The following PDE1C variants were observed in gnomAD, a reference collection of about 807,000 sequenced individuals.
PDE1C encodes the protein dual specificity calcium/calmodulin-dependent 3',5'-cyclic nucleotide phosphodiesterase 1C.
In PDE1C, 62 loss-of-function variants were observed where a neutral mutation model predicts 93.1. That is an observed-to-expected ratio of 0.67 (90% CI 0.54 to 0.82). PDE1C has a LOEUF of 0.82. PDE1C is among the 40% of genes least tolerant of loss of function. The pLI is 0.00. For synonymous variants in PDE1C, 325 were observed against 310.1 expected (o/e 1.05, Z -0.50); for missense variants, 742 against 884.6 (o/e 0.84, Z 2.04).
intron 1 of PDE1C, among the ~76,000 whole-genome samples, chr7:32,330,418 C>T (rs1783491050): frequency 6.6e-6 from 1 of 152,190 alleles, no homozygotes; most frequent in South Asian, 2.1e-4. Context: ...CTGGTGAGCT[C>T]GCAGTGCTAA....
intron 7 of PDE1C, among the ~76,000 whole-genome samples, chr7:31,857,727 A>G (rs903574775): frequency 6.6e-6 from 1 of 152,160 alleles, no homozygotes; most frequent in Non-Finnish European, 1.5e-5. Flanking sequence ...AAACTTCACT[A>G]GACATTTTGA....
chr7:31,763,796 C>A (rs1472156439), intron 17 of PDE1C, among the ~76,000 whole-genome samples: 1 of 151,854 alleles, frequency 6.6e-6, no homozygotes, highest in Non-Finnish European at 1.5e-5. Context: ...CTTCTTATTA[C>A]AATATAGAAA....
chr7:32,411,655 C>G lies in PDE1C; in HGVS notation c.310+16167G>C, dbSNP rs537440553. The stretch of plus-strand genomic sequence containing the variant: ...TATACTACTGTAGACTTCATAAACA[C>G]TGTACACTTAGGCGACACTAAATTT... On this transcript the variant is annotated intron_variant, in intron 1 of 1. Coordinates refer to the PDE1C transcript ENST00000672256. Among the ~76,000 whole-genome samples, 11 of 152,260 alleles carry G rather than the reference C, an allele frequency of 7.2e-5. No individual in the cohort carries two copies. In the East Asian group the frequency reaches 2.1e-3, roughly 29 times the overall value.
chr7:31,808,911 GT>G lies in PDE1C; in HGVS notation c.1891+119del, dbSNP rs548251229. 6.0e-4 allele frequency: 354 copies of G among 593,194 alleles called. 1 individual carries two copies. Among genetic ancestry groups the G allele is most frequent in the African/African-American group, 5.8e-3 (308 of 53,356 alleles). The allele number at this position is 593,194 out of a possible 1,614,324, so 36.7% of individuals were successfully genotyped here. A position where few individuals can be genotyped will look rare whatever the true frequency, so the allele number is the denominator to read the frequency against. ...TAGTACCCTTTAAATATAGTGAAGGGTTTTTTTCAGGATATAAGAATATATT... is the reference window on the plus strand; with the variant it reads ...TAGTACCCTTTAAATATAGTGAAGGGTTTTTTCAGGATATAAGAATATATT... On this transcript the variant is annotated intron_variant, in intron 16 of 17. Transcript: ENST00000396191.
chr7:31,960,577 A>G (rs918153098), intron 2 of PDE1C, among the ~76,000 whole-genome samples: 2 of 152,236 alleles, frequency 1.3e-5, no homozygotes, highest in African/African-American at 4.8e-5. Context: ...TAAGAAATGC[A>G]TATTGAAATA....
At chr7:31,687,941 G>C in the PDE1C span, among the ~76,000 whole-genome samples, 10 of 152,186 alleles carry the variant, frequency 6.6e-5, no homozygotes, top group Admixed American at 6.5e-4. Flanking sequence ...TCGCTTCTGA[G>C]AATCAGTTCT....
At chr7:31,645,016 T>C in the PDE1C span, among the ~76,000 whole-genome samples, 1 of 152,230 alleles carries the variant, frequency 6.6e-6, no homozygotes, top group Non-Finnish European at 1.5e-5. Flanking sequence ...TAAATATTTG[T>C]TGGGCTCCTA....
chr7:32,212,911 G>T (rs938806377), intron 1 of PDE1C, among the ~76,000 whole-genome samples: 2 of 152,154 alleles, frequency 1.3e-5, no homozygotes, highest in Non-Finnish European at 2.9e-5. Context: ...TGATGCATCT[G>T]GTGTGAGGCC....
intron 1 of PDE1C, among the ~76,000 whole-genome samples, chr7:32,355,180 G>C (rs1201103955): frequency 6.6e-6 from 1 of 152,174 alleles, no homozygotes; most frequent in African/African-American, 2.4e-5. Context: ...CAAGTAAAGG[G>C]AGTCCCAAGT....
intron 5 of PDE1C, among the ~76,000 whole-genome samples, chr7:31,875,831 A>ATG (rs1554387839): frequency 0.12 from 10,794 of 89,890 alleles, 1,517 homozygotes; most frequent in Non-Finnish European, 0.17. Flanking sequence ...ATATATATAT[A>ATG]TATAATGGAA....
At chr7:32,336,043 G>C (rs215655) in intron 1 of PDE1C, among the ~76,000 whole-genome samples, 145,132 of 152,232 alleles carry the variant, frequency 0.95, 69,372 homozygotes, top group East Asian at 1. Flanking sequence ...TGAGATACTG[G>C]GAGTTAGGAC....
At chr7:31,867,857 C>A (rs1052939722) in intron 6 of PDE1C, among the ~76,000 whole-genome samples, 1 of 152,318 alleles carries the variant, frequency 6.6e-6, no homozygotes, top group East Asian at 1.9e-4. Context: ...AACTGGCATC[C>A]CATCTCCAGT....
intron 2 of PDE1C, among the ~76,000 whole-genome samples, chr7:31,884,795 T>C (rs1280428553): frequency 6.6e-6 from 1 of 152,208 alleles, no homozygotes; most frequent in African/African-American, 2.4e-5. Context: ...TCTTTTATCA[T>C]TGGCCAATTT....
chr7:32,291,637 T>C (rs1238889729), intron 1 of PDE1C, among the ~76,000 whole-genome samples: 1 of 152,216 alleles, frequency 6.6e-6, no homozygotes, highest in Non-Finnish European at 1.5e-5. Context: ...CTAGTATGCT[T>C]ACTTCATGAA....
chr7:31,662,181 G>T, the PDE1C span, among the ~76,000 whole-genome samples: 3 of 152,200 alleles, frequency 2.0e-5, no homozygotes, highest in African/African-American at 7.2e-5. Flanking sequence ...CCCTGGAAGG[G>T]AATATGGTCC....
chr7:32,333,273 G>T lies in PDE1C; in HGVS notation c.310+94549C>A, dbSNP rs557727399. Among the ~76,000 whole-genome samples the T allele has an allele frequency of 8.3e-4, 127 of 152,252 alleles. 1 individual carries two copies. In the South Asian group the frequency reaches 0.025, roughly 30 times the overall value. On this transcript the variant is annotated intron_variant, in intron 1 of 1. Coordinates refer to the PDE1C transcript ENST00000672256. ...TCCAAGTTTTTGGCCATGATATGTT[G>T]TTATCACAGAATTTTTCTCCCAACT...
At chr7:32,026,886 C>A (rs1204367617) in intron 2 of PDE1C, among the ~76,000 whole-genome samples, 1 of 151,956 alleles carries the variant, frequency 6.6e-6, no homozygotes, top group Non-Finnish European at 1.5e-5. Flanking sequence ...AACATGAATA[C>A]ATATTGCTGA....
the PDE1C span, among the ~76,000 whole-genome samples, chr7:31,706,335 G>T: frequency 6.6e-6 from 1 of 152,046 alleles, no homozygotes; most frequent in Non-Finnish European, 1.5e-5. Flanking sequence ...ATAGTGTGGA[G>T]CCCAACATAG....
At chr7:32,293,713 G>A (rs1322351511) in intron 1 of PDE1C, among the ~76,000 whole-genome samples, 3 of 152,222 alleles carry the variant, frequency 2.0e-5, no homozygotes, top group East Asian at 1.9e-4. Flanking sequence ...ACACCCTGCC[G>A]CACCTGACTG....
Sources: gnomAD v4.1 joint callset for allele counts (sites outside exome capture counted in the v4.1 genomes callset) on GRCh38, gnomAD v4.1.1 for gene constraint, MANE v1.5 for transcripts, NCBI Gene and HGNC (gene_info 2026-07-23, HGNC 2026-07-21) for gene names.